MSI2: variants seen among roughly 807,000 people sequenced by gnomAD.
The protein encoded by MSI2 is RNA-binding protein Musashi homolog 2.
MSI2 carries 17 observed loss-of-function variants against 45.6 expected under a neutral mutation model. The ratio of observed to expected loss-of-function variants is 0.37; its 90% confidence interval spans 0.26 to 0.56. The LOEUF is 0.56. Ranked by LOEUF, MSI2 falls within the 20% of genes least tolerant of loss-of-function variation. The pLI is 0.77. For missense variants in MSI2, 293 were observed against 444.2 expected (o/e 0.66, Z 3.06); for synonymous variants, 156 against 158.2 (o/e 0.99, Z 0.11).
intron 5 of MSI2, among the ~76,000 whole-genome samples, chr17:57,307,764 A>G (rs1386500668): frequency 6.6e-6 from 1 of 152,100 alleles, no homozygotes; most frequent in African/African-American, 2.4e-5. Flanking sequence ...AGGCTTGCCA[A>G]CCCTCCACAA....
chr17:57,526,057 T>G (rs2086689601), intron 6 of MSI2, among the ~76,000 whole-genome samples: 1 of 151,990 alleles, frequency 6.6e-6, no homozygotes, highest in Non-Finnish European at 1.5e-5. Context: ...AAACCCCGTC[T>G]CTACTAAAAA....
intron 6 of MSI2, among the ~76,000 whole-genome samples, chr17:57,526,166 A>C (rs1442348724): frequency 6.6e-6 from 1 of 152,174 alleles, no homozygotes; most frequent in Non-Finnish European, 1.5e-5. Context: ...CGGGGGTAGC[A>C]GTGAGCCAAG....
At chr17:57,356,983 A>G (rs1916469060) in intron 5 of MSI2, among the ~76,000 whole-genome samples, 1 of 151,932 alleles carries the variant, frequency 6.6e-6, no homozygotes, top group African/African-American at 2.4e-5. Flanking sequence ...ACCGGTTGAG[A>G]CGCTCCAACA....
intron 5 of MSI2, among the ~76,000 whole-genome samples, chr17:57,371,555 A>G (rs1391927288): frequency 1.9e-4 from 3 of 15,406 alleles, no homozygotes; most frequent in Admixed American, 9.9e-4. Flanking sequence ...AGGTATACAC[A>G]CACACACACA....
chr17:57,488,222 C>T (rs1314728958), intron 6 of MSI2, among the ~76,000 whole-genome samples: 1 of 152,004 alleles, frequency 6.6e-6, no homozygotes, highest in African/African-American at 2.4e-5. Flanking sequence ...TATATAACAA[C>T]ATCAGCTCCC....
At chr17:57,406,168 C>CA (rs1253487861) in intron 6 of MSI2, among the ~76,000 whole-genome samples, 2 of 152,116 alleles carry the variant, frequency 1.3e-5, no homozygotes, top group African/African-American at 4.8e-5. Flanking sequence ...TGATTCCATA[C>CA]ACACAGGAAT....
rs1362099315 is a variant in MSI2, at chr17:57,683,453, A to G, written c.*3936A>G. 4.4e-6 allele frequency: 1 copy of G among 229,156 alleles called. No homozygotes were observed. The highest frequency in any genetic ancestry group is 2.2e-5 in the African/African-American group (1 of 45,084). The allele number at this position is 229,156 out of a possible 1,614,324, so 14.2% of individuals were successfully genotyped here. ...GAGGGCTAGGGACTTAGCCTCCTCCACCACCTCCACACTGCTTCATTCTGC... is the reference window on the plus strand; with the variant it reads ...GAGGGCTAGGGACTTAGCCTCCTCCGCCACCTCCACACTGCTTCATTCTGC... On this transcript the variant is annotated 3_prime_UTR_variant, in exon 14 of 14. Transcript: ENST00000284073. The surrounding 1 kb of genome is among the most constrained non-coding windows in gnomAD (Gnocchi z 5.2).
At chr17:57,693,373 G>T in the MSI2 span, among the ~76,000 whole-genome samples, 2 of 151,748 alleles carry the variant, frequency 1.3e-5, no homozygotes, top group Non-Finnish European at 2.9e-5. Context: ...GTAGAGATGG[G>T]ATTTCACCAT....
intron 10 of MSI2, chr17:57,632,612 C>G: frequency 9.4e-7 from 1 of 1,066,146 alleles, no homozygotes; most frequent in South Asian, 4.5e-5. Context: ...CTGATCAGGC[C>G]CCATCTCAAG....
chr17:57,663,278 T>C (rs906984048), intron 11 of MSI2, among the ~76,000 whole-genome samples: 1 of 152,198 alleles, frequency 6.6e-6, no homozygotes, highest in Non-Finnish European at 1.5e-5. Context: ...GCCTCATTTG[T>C]TTTGTAGATG....
At chr17:57,336,525 T>C (rs1914704509) in intron 5 of MSI2, among the ~76,000 whole-genome samples, 1 of 152,204 alleles carries the variant, frequency 6.6e-6, no homozygotes, top group Non-Finnish European at 1.5e-5. Context: ...CAAAACTGCA[T>C]TACTCAATCA....
chr17:57,567,256 A>G (rs1598407281), intron 7 of MSI2, among the ~76,000 whole-genome samples: 1 of 152,230 alleles, frequency 6.6e-6, no homozygotes, highest in South Asian at 2.1e-4. Context: ...TCGTGATTAA[A>G]TAAGTGGGGA....
intron 4 of MSI2, chr17:57,260,202 A>G (rs915842262): frequency 2.0e-5 from 3 of 152,126 alleles, no homozygotes; most frequent in African/African-American, 7.2e-5. Context: ...GTTGACAGGG[A>G]TGTGCAAAAG....
the MSI2 span, among the ~76,000 whole-genome samples, chr17:57,694,155 A>G: frequency 6.6e-6 from 1 of 152,212 alleles, no homozygotes; most frequent in Non-Finnish European, 1.5e-5. Context: ...TATTTGCTAT[A>G]TACTGGTCCT....
At chr17:57,547,351 C>T (rs892499766) in intron 7 of MSI2, among the ~76,000 whole-genome samples, 2 of 152,036 alleles carry the variant, frequency 1.3e-5, no homozygotes, top group East Asian at 3.9e-4. Context: ...CCCAGTGGCT[C>T]CCTGAATTAA....
chr17:57,619,423 G>C (rs1441391045), intron 9 of MSI2, among the ~76,000 whole-genome samples: 1 of 152,208 alleles, frequency 6.6e-6, no homozygotes, highest in Non-Finnish European at 1.5e-5. Context: ...ATAGAGTCTG[G>C]GGGTGGTTGG....
intron 6 of MSI2, among the ~76,000 whole-genome samples, chr17:57,510,408 T>TTTTG (rs1555616069): frequency 1.3e-5 from 2 of 151,654 alleles, no homozygotes; most frequent in Non-Finnish European, 2.9e-5. Context: ...TTGTTTTTTT[T>TTTTG]TTTGTTTGTT....
intron 6 of MSI2, among the ~76,000 whole-genome samples, chr17:57,527,455 G>A (rs1258624082): frequency 3.5e-5 from 2 of 57,044 alleles, no homozygotes; most frequent in Admixed American, 1.9e-4. Context: ...GGCCCCAGCA[G>A]GTTACCGTCG....
At position 57,596,091 on chromosome 17, in the gene MSI2, G is replaced by A. The variant is rs1476179495; in HGVS notation, c.455-777G>A. On this transcript the variant is annotated intron_variant, in intron 7 of 13. Coordinates refer to ENST00000284073, the MANE Select transcript of MSI2 (RefSeq NM_138962.4). The surrounding 1 kb of genome is among the most constrained non-coding windows in gnomAD (Gnocchi z 4.6). ...GCACTTACTGAGTGGGGTCACAGAT[G>A]GGGCCACATGCTGGAAACGCTGTCG... Among the ~76,000 whole-genome samples, 1 of 152,196 alleles carries A rather than the reference G, an allele frequency of 6.6e-6. No homozygotes were observed. The highest frequency in any genetic ancestry group is 1.9e-4 in the East Asian group (1 of 5,190).
Sources: allele counts gnomAD v4.1 joint callset (sites outside exome capture counted in the v4.1 genomes callset), GRCh38; gene constraint gnomAD v4.1.1; non-coding constraint Gnocchi (gnomAD v3.1); transcripts MANE v1.5; gene names NCBI Gene and HGNC (gene_info 2026-07-23, HGNC 2026-07-21).